Variants in ADGRB3 observed in about 807,000 individuals in gnomAD.
The protein encoded by ADGRB3 is adhesion G protein-coupled receptor B3.
In ADGRB3, 37 loss-of-function variants were observed where a neutral mutation model predicts 193.4. The observed-to-expected ratio is 0.19, with a 90% CI of 0.15 to 0.25. The LOEUF (loss-of-function observed/expected upper bound fraction) is 0.25, where lower values mean the gene tolerates loss of function less well. Among genes scored for constraint, ADGRB3 ranks in the 10% least tolerant of loss-of-function variants. The pLI, the probability that ADGRB3 is intolerant of heterozygous loss-of-function variation, is 1.00. For synonymous variants in ADGRB3, 690 were observed against 644.2 expected, an observed-to-expected ratio of 1.07 and a Z score of -1.08; for missense variants, 1,637 against 1,852.9, an observed-to-expected ratio of 0.88 and a Z score of 2.14.
At chr6:68,871,208 C>G (rs1765446275) in intron 3 of ADGRB3, among the ~76,000 whole-genome samples, 1 of 152,108 alleles carries the variant, frequency 6.6e-6, no homozygotes, top group Non-Finnish European at 1.5e-5. Flanking sequence ...ATAGAAAAAG[C>G]ATTTAAGATT....
intron 20 of ADGRB3, among the ~76,000 whole-genome samples, chr6:69,288,111 A>G (rs1162895499): frequency 6.6e-6 from 1 of 152,072 alleles, no homozygotes; most frequent in Non-Finnish European, 1.5e-5. Context: ...GGTTTGTTAC[A>G]TAGGTATACA....
At chr6:68,950,736 A>T (rs997410724) in intron 6 of ADGRB3, among the ~76,000 whole-genome samples, 1 of 152,142 alleles carries the variant, frequency 6.6e-6, no homozygotes, top group South Asian at 2.1e-4. Context: ...TTGTAAATTC[A>T]TCCATGTTTT....
intron 20 of ADGRB3, among the ~76,000 whole-genome samples, chr6:69,260,868 A>T (rs549843886): frequency 2.2e-4 from 33 of 152,226 alleles, no homozygotes; most frequent in African/African-American, 7.9e-4. Flanking sequence ...TGTTTTGTTT[A>T]TTATACATCT....
intron 3 of ADGRB3, among the ~76,000 whole-genome samples, chr6:68,713,888 A>T (rs1234839691): frequency 6.6e-6 from 1 of 151,696 alleles, no homozygotes; most frequent in Admixed American, 6.6e-5. Context: ...CATTATATAG[A>T]TCTTACAGAT....
At chr6:68,959,716 CA>C (rs759547777) in intron 8 of ADGRB3, among the ~76,000 whole-genome samples, 7 of 151,788 alleles carry the variant, frequency 4.6e-5, no homozygotes, top group African/African-American at 1.2e-4. Context: ...TCATTGATGA[CA>C]AAAAATGTAT....
intron 3 of ADGRB3, among the ~76,000 whole-genome samples, chr6:68,748,072 G>A (rs1446734137): frequency 6.6e-6 from 1 of 152,144 alleles, no homozygotes; most frequent in Non-Finnish European, 1.5e-5. Context: ...CCATGATTCA[G>A]TTGCCTCCCA....
At chr6:69,121,214 G>T (rs150663349) in intron 17 of ADGRB3, among the ~76,000 whole-genome samples, 2 of 151,968 alleles carry the variant, frequency 1.3e-5, no homozygotes, top group Non-Finnish European at 1.5e-5. Context: ...GACTCTTAAC[G>T]AGCATGCTGT....
At chr6:68,847,030 C>T (rs1195595459) in intron 3 of ADGRB3, among the ~76,000 whole-genome samples, 1 of 152,166 alleles carries the variant, frequency 6.6e-6, no homozygotes, top group East Asian at 1.9e-4. Flanking sequence ...ATCAGCATGA[C>T]CTGGATGTGA....
rs1175469590 is a variant in ADGRB3, at chr6:69,155,735, G to A, written c.2481-77555G>A. 2.0e-5 allele frequency among the ~76,000 whole-genome samples: 3 copies of A among 152,134 alleles called. No homozygotes were observed. In the East Asian group the frequency reaches 5.8e-4, roughly 29 times the overall value. ...CCATTTGAAAAATTTTTATAGGCCA[G>A]CGTATTTCCAAAAAATACACAAAAT... On this transcript the variant is annotated intron_variant, in intron 17 of 31. Transcript: ENST00000370598.
chr6:69,116,423 C>A (rs1181588622), intron 17 of ADGRB3, among the ~76,000 whole-genome samples: 1 of 152,114 alleles, frequency 6.6e-6, no homozygotes, highest in Non-Finnish European at 1.5e-5. Flanking sequence ...CTAAATTAAA[C>A]TGGATTTAGG....
chr6:69,117,124 T>G (rs1371303988), intron 17 of ADGRB3, among the ~76,000 whole-genome samples: 1 of 152,248 alleles, frequency 6.6e-6, no homozygotes, highest in Non-Finnish European at 1.5e-5. Context: ...CAATCCATGT[T>G]GATGTATATT....
intron 11 of ADGRB3, among the ~76,000 whole-genome samples, chr6:69,001,084 TA>T (rs1474202337): frequency 1.3e-5 from 2 of 152,180 alleles, no homozygotes; most frequent in East Asian, 3.9e-4. Context: ...TGGAGTGATA[TA>T]AGTATAGCAT....
chr6:69,364,837 A>G lies in ADGRB3; in HGVS notation c.4239+3325A>G, dbSNP rs150994860. ...GAGTGCATGGTGTATACATAGAGCAAAACAACAGCAACAACAAAAAACATA... is the reference window on the plus strand; with the variant it reads ...GAGTGCATGGTGTATACATAGAGCAGAACAACAGCAACAACAAAAAACATA... On this transcript the variant is annotated intron_variant, in intron 29 of 31. Transcript: ENST00000370598. 2.9e-3 allele frequency among the ~76,000 whole-genome samples: 448 copies of G among 152,242 alleles called. 1 individual carries two copies. Among genetic ancestry groups the G allele is most frequent in the Non-Finnish European group, 4.8e-3 (324 of 67,988 alleles).
chr6:69,062,337 C>G (rs149806128), intron 15 of ADGRB3, among the ~76,000 whole-genome samples: 2 of 151,852 alleles, frequency 1.3e-5, no homozygotes, highest in East Asian at 3.9e-4. Flanking sequence ...TAAGATATTT[C>G]AGGCAAAATG....
chr6:68,789,499 T>C (rs1417869111), intron 3 of ADGRB3, among the ~76,000 whole-genome samples: 1 of 152,248 alleles, frequency 6.6e-6, no homozygotes, highest in Non-Finnish European at 1.5e-5. Context: ...CTCTTCTGGC[T>C]TGTAGAGTTT....
chr6:68,767,370 G>T (rs1214275335), intron 3 of ADGRB3, among the ~76,000 whole-genome samples: 1 of 152,164 alleles, frequency 6.6e-6, no homozygotes, highest in Non-Finnish European at 1.5e-5. Context: ...TCTCTGGGAT[G>T]CAAGGCTGGT....
intron 20 of ADGRB3, among the ~76,000 whole-genome samples, chr6:69,276,699 T>C (rs552539575): frequency 3.3e-5 from 5 of 152,250 alleles, no homozygotes; most frequent in African/African-American, 1.2e-4. Context: ...AGGGTGCAGA[T>C]AGTGTGAAGT....
intron 11 of ADGRB3, among the ~76,000 whole-genome samples, chr6:68,994,213 C>T (rs1769321742): frequency 6.6e-6 from 1 of 152,060 alleles, no homozygotes; most frequent in Admixed American, 6.6e-5. Flanking sequence ...GTGCTTTGAG[C>T]CCCCAGATAA....
In ADGRB3 at chr6:68,650,599, T is replaced by C. The variant is rs117739816; in HGVS notation, c.757+11167T>C. Reference sequence around the variant, plus strand: ...TGGAAAGATGAAAATAAAAATAGAATTTTGGTTGCTGTTCAAGTTTCATTT... The same window carrying C: ...TGGAAAGATGAAAATAAAAATAGAACTTTGGTTGCTGTTCAAGTTTCATTT... On this transcript the variant is annotated intron_variant, in intron 3 of 31. Transcript: ENST00000370598. Among the ~76,000 whole-genome samples, 82 of 152,244 alleles carry C rather than the reference T, an allele frequency of 5.4e-4. 1 individual carries two copies. The East Asian group carries it at 0.012, about 22-fold the overall frequency.
Sources: allele counts gnomAD v4.1 joint callset (sites outside exome capture counted in the v4.1 genomes callset), GRCh38; gene constraint gnomAD v4.1.1; transcripts MANE v1.5; gene names NCBI Gene and HGNC (gene_info 2026-07-23, HGNC 2026-07-21).